NBEA: variants seen among roughly 807,000 people sequenced by gnomAD.
NBEA encodes lysosomal-trafficking regulator 2.
Under a neutral mutation model 343.4 loss-of-function variants are expected in NBEA, and 44 were observed. That is an observed-to-expected ratio of 0.13 (90% confidence interval 0.10 to 0.16). The LOEUF is 0.16. Among genes scored for constraint, NBEA ranks in the 10% least tolerant of loss-of-function variants. NBEA has a pLI of 1.00. For missense variants in NBEA, 2,555 were observed against 3,631.3 expected (o/e 0.70, Z 7.62); for synonymous variants, 1,175 against 1,238.7 (o/e 0.95, Z 1.08).
At chr13:35,030,838 A>C (rs769382807) in intron 1 of NBEA, among the ~76,000 whole-genome samples, 3 of 151,682 alleles carry the variant, frequency 2.0e-5, no homozygotes, top group Non-Finnish European at 4.4e-5. Context: ...GCTAAATGAT[A>C]CATAGAAAGG....
intron 36 of NBEA, among the ~76,000 whole-genome samples, chr13:35,319,528 T>C (rs2037986716): frequency 6.6e-6 from 1 of 152,224 alleles, no homozygotes; most frequent in Non-Finnish European, 1.5e-5. Context: ...CAGCCAATTT[T>C]AGAATAAGTG....
intron 39 of NBEA, among the ~76,000 whole-genome samples, chr13:35,450,337 A>T (rs765272402): frequency 7.2e-5 from 11 of 152,112 alleles, no homozygotes; most frequent in Non-Finnish European, 1.5e-4. Flanking sequence ...CAATAAAAAA[A>T]ATAGCCAGGC....
At chr13:35,124,813 C>T (rs1481260986) in intron 17 of NBEA, among the ~76,000 whole-genome samples, 1 of 150,598 alleles carries the variant, frequency 6.6e-6, no homozygotes, top group Non-Finnish European at 1.5e-5. Flanking sequence ...TATATATACA[C>T]ACACATATGG....
At chr13:35,097,520 A>G (rs1182248363) in intron 10 of NBEA, among the ~76,000 whole-genome samples, 1 of 152,006 alleles carries the variant, frequency 6.6e-6, no homozygotes, top group African/African-American at 2.4e-5. Flanking sequence ...TACTATATTC[A>G]TGTATCAGTG....
chr13:34,983,305 A>G (rs936496782), intron 1 of NBEA, among the ~76,000 whole-genome samples: 2 of 152,162 alleles, frequency 1.3e-5, no homozygotes, highest in African/African-American at 4.8e-5. Flanking sequence ...TAGTTTGCTC[A>G]GAATGGTGGT....
intron 41 of NBEA, among the ~76,000 whole-genome samples, chr13:35,490,528 C>T (rs568785783): frequency 6.6e-6 from 1 of 151,828 alleles, no homozygotes; most frequent in Non-Finnish European, 1.5e-5. Context: ...TATACCCTGA[C>T]GTAAGAAGTT....
intron 44 of NBEA, among the ~76,000 whole-genome samples, chr13:35,556,074 G>C (rs1410779282): frequency 6.6e-6 from 1 of 151,702 alleles, no homozygotes; most frequent in Non-Finnish European, 1.5e-5. Flanking sequence ...ATATTAAAAT[G>C]CTTTTTCACT....
At chr13:34,966,208 G>C (rs929554822) in intron 1 of NBEA, among the ~76,000 whole-genome samples, 1 of 152,038 alleles carries the variant, frequency 6.6e-6, no homozygotes, top group African/African-American at 2.4e-5. Context: ...TTTTATAAGA[G>C]AGTGGCATGA....
At chr13:35,045,211 C>A in intron 3 of NBEA, 95 bp from the exon 4 acceptor site, 1 of 1,219,448 alleles carries the variant, frequency 8.2e-7, no homozygotes, top group South Asian at 1.5e-5. Flanking sequence ...TAATTTTTCT[C>A]TCTAGTTAGA....
chr13:35,659,478 G>A (rs912221277), intron 55 of NBEA, among the ~76,000 whole-genome samples: 1 of 152,172 alleles, frequency 6.6e-6, no homozygotes, highest in African/African-American at 2.4e-5. Flanking sequence ...TGTCATGTTT[G>A]TGAAATCTTT....
At chr13:35,555,707 C>T in intron 44 of NBEA, among the ~76,000 whole-genome samples, 1 of 152,000 alleles carries the variant, frequency 6.6e-6, no homozygotes, top group East Asian at 1.9e-4. Context: ...CATCTTTTTT[C>T]TTAAGTTAAG....
At chr13:35,628,897 G>A (rs930472721) in intron 49 of NBEA, among the ~76,000 whole-genome samples, 1 of 152,120 alleles carries the variant, frequency 6.6e-6, no homozygotes, top group Non-Finnish European at 1.5e-5. Flanking sequence ...CAGCCTGGGT[G>A]ACAGAGCGAG....
At chr13:35,512,939 G>T (rs1295236712) in intron 41 of NBEA, among the ~76,000 whole-genome samples, 4 of 152,042 alleles carry the variant, frequency 2.6e-5, no homozygotes, top group African/African-American at 9.7e-5. Context: ...TTTCTAAGTT[G>T]TGCTTTGGGA....
chr13:35,090,182 T>A (rs2065010754), intron 10 of NBEA, among the ~76,000 whole-genome samples: 1 of 151,916 alleles, frequency 6.6e-6, no homozygotes, highest in African/African-American at 2.4e-5. Flanking sequence ...TTATGTAGTG[T>A]TCCTGTAATC....
At chr13:35,419,972 T>A (rs1426192587) in intron 38 of NBEA, among the ~76,000 whole-genome samples, 1 of 152,132 alleles carries the variant, frequency 6.6e-6, no homozygotes, top group African/African-American at 2.4e-5. Flanking sequence ...GTGTCTATCT[T>A]GCATCTCGTG....
At chr13:35,209,698 AT>A (rs2073637020) in intron 32 of NBEA, among the ~76,000 whole-genome samples, 1 of 151,836 alleles carries the variant, frequency 6.6e-6, no homozygotes, top group African/African-American at 2.4e-5. Context: ...CATTACTTAG[AT>A]TCTTCCCATT....
At chr13:35,051,565 ATATACT>A (rs1354478310) in intron 6 of NBEA, among the ~76,000 whole-genome samples, 1 of 152,014 alleles carries the variant, frequency 6.6e-6, no homozygotes. Context: ...ATTCATTAAC[ATATACT>A]TAGAAAATGA....
In NBEA at chr13:35,550,993, G is replaced by A; in HGVS notation, c.6767G>A (p.Arg2256Gln). ...AAAAAAGTTGTCTATAGCTTGCCTC[G>A]GGTTGGAGTAGGGACCAGCTATGGT... ...TVKKVVYSLP[R>Q]VGVGTSYGLP... Residue 2256 changes from arginine (R) to glutamine (Q), a missense_variant, in exon 43 of 59, where the codon CGG (arginine) becomes CAG (glutamine). Arg to Gln is a conservative substitution (Grantham distance 43). This residue lies in a region of NBEA where 38 missense variants were observed against 97.2 expected (regional missense o/e 0.39). Coordinates refer to ENST00000379939, the MANE Select transcript of NBEA (RefSeq NM_001385012.1). The A allele has an allele frequency of 3.1e-6, 5 of 1,610,432 alleles. No individual in the cohort carries two copies. Among genetic ancestry groups the A allele is most frequent in the South Asian group, 1.1e-5 (1 of 90,924 alleles).
intron 47 of NBEA, among the ~76,000 whole-genome samples, chr13:35,597,176 C>T (rs2081843615): frequency 6.6e-6 from 1 of 152,142 alleles, no homozygotes; most frequent in Admixed American, 6.6e-5. Context: ...TTAGGAATCG[C>T]ATTTGAGGAT....
Sources: allele counts gnomAD v4.1 joint callset (sites outside exome capture counted in the v4.1 genomes callset), GRCh38; gene constraint gnomAD v4.1.1; regional missense constraint gnomAD v4.1.1; transcripts MANE v1.5; gene names NCBI Gene and HGNC (gene_info 2026-07-23, HGNC 2026-07-21).